Variants in TCERG1L observed in about 807,000 individuals in gnomAD.
TCERG1L encodes transcription elongation regulator 1 like.
Under a neutral mutation model 56.3 loss-of-function variants are expected in TCERG1L, and 37 were observed. The ratio of observed to expected loss-of-function variants is 0.66; its 90% confidence interval spans 0.51 to 0.87. The LOEUF is 0.87. Among genes scored for constraint, TCERG1L ranks in the 40% least tolerant of loss-of-function variants. The pLI, the probability that TCERG1L is intolerant of heterozygous loss-of-function variation, is 0.00. For synonymous variants in TCERG1L, 324 were observed against 326.3 expected (o/e 0.99, Z 0.08); for missense variants, 799 against 774.2 (o/e 1.03, Z -0.38).
chr10:131,121,200 GGTGCTGCCATGTGATGTGGGGAAA>G (rs1245172324), intron 8 of TCERG1L, among the ~76,000 whole-genome samples: 2 of 152,146 alleles, frequency 1.3e-5, no homozygotes, highest in African/African-American at 4.8e-5. Flanking sequence ...ACTCTGCCAG[GGTGCTGCCATGTGATGTGGGGAAA>G]GTGCTGACAT....
At chr10:131,257,249 C>G (rs942912974) in intron 4 of TCERG1L, among the ~76,000 whole-genome samples, 2 of 152,020 alleles carry the variant, frequency 1.3e-5, no homozygotes, top group Non-Finnish European at 2.9e-5. Context: ...GCCTGATAAA[C>G]AGATCCCCGT....
At chr10:131,220,677 C>A (rs1055822351) in intron 4 of TCERG1L, among the ~76,000 whole-genome samples, 3 of 152,184 alleles carry the variant, frequency 2.0e-5, no homozygotes, top group African/African-American at 7.2e-5. Flanking sequence ...GAAGGGCTTG[C>A]CTGAGGCCCC....
chr10:131,280,705 G>GCACA (rs59263854), intron 3 of TCERG1L, among the ~76,000 whole-genome samples: 115 of 150,630 alleles, frequency 7.6e-4, no homozygotes, highest in African/African-American at 2.4e-3. Context: ...CCTAAGATGT[G>GCACA]CACACACACA....
chr10:131,219,658 C>A (rs952204305), intron 4 of TCERG1L, among the ~76,000 whole-genome samples: 2 of 152,224 alleles, frequency 1.3e-5, no homozygotes, highest in African/African-American at 2.4e-5. Context: ...GGCCCCAGGG[C>A]CTTCCCTTCC....
intron 4 of TCERG1L, among the ~76,000 whole-genome samples, chr10:131,221,347 C>T (rs1477957722): frequency 6.6e-6 from 1 of 152,188 alleles, no homozygotes; most frequent in Admixed American, 6.5e-5. Context: ...ATCAAATTTC[C>T]TTCTCAATGT....
At chr10:131,094,062 AG>A (rs1205495857) in intron 11 of TCERG1L, among the ~76,000 whole-genome samples, 1 of 152,228 alleles carries the variant, frequency 6.6e-6, no homozygotes, top group East Asian at 1.9e-4. Flanking sequence ...TAGAGCAGCA[AG>A]GCTGTTCTCA....
chr10:131,277,587 G>A (rs974231196), intron 3 of TCERG1L, among the ~76,000 whole-genome samples: 5 of 152,232 alleles, frequency 3.3e-5, no homozygotes, highest in African/African-American at 4.8e-5. Flanking sequence ...TCCAGCAGAC[G>A]GCCCTGCCCA....
intron 3 of TCERG1L, among the ~76,000 whole-genome samples, chr10:131,280,948 C>T (rs539860974): frequency 6.6e-6 from 1 of 152,252 alleles, no homozygotes; most frequent in East Asian, 1.9e-4. Context: ...AAGCCTGTGG[C>T]CGCACCTTCC....
At chr10:131,288,811 A>AG (rs1315878890) in intron 3 of TCERG1L, among the ~76,000 whole-genome samples, 1 of 152,050 alleles carries the variant, frequency 6.6e-6, no homozygotes, top group Non-Finnish European at 1.5e-5. Context: ...AGAACTGCCC[A>AG]GGAAGGCAAA....
At chr10:131,293,982 C>T (rs1278693185) in intron 3 of TCERG1L, among the ~76,000 whole-genome samples, 1 of 152,064 alleles carries the variant, frequency 6.6e-6, no homozygotes, top group African/African-American at 2.4e-5. Flanking sequence ...TAGGTAAGGC[C>T]CAGGCAATTG....
intron 3 of TCERG1L, among the ~76,000 whole-genome samples, chr10:131,264,896 G>A (rs1392911288): frequency 6.6e-6 from 1 of 152,178 alleles, no homozygotes; most frequent in Non-Finnish European, 1.5e-5. Flanking sequence ...ACAGCGTGAG[G>A]GTCCCACGTC....
intron 8 of TCERG1L, among the ~76,000 whole-genome samples, chr10:131,126,092 C>T (rs976776435): frequency 2.0e-5 from 3 of 152,344 alleles, no homozygotes; most frequent in African/African-American, 7.2e-5. Context: ...CAGCTCCTGA[C>T]TGCCTAGCAC....
rs140546881 is a variant in TCERG1L, at chr10:131,163,260, C to G, written c.946-50G>C. The G allele has an allele frequency of 2.2e-3, 3,015 of 1,378,408 alleles. 26 individuals are homozygous for G. The highest frequency in any genetic ancestry group is 0.015 in the South Asian group (1,025 of 68,608). 85.4% of individuals were successfully genotyped at this position (1,378,408 alleles called of 1,614,324 possible). A position where few individuals can be genotyped will look rare whatever the true frequency, so the allele number is the denominator to read the frequency against. On this transcript the variant is annotated intron_variant, in intron 5 of 11. Coordinates refer to ENST00000368642, the MANE Select transcript of TCERG1L (RefSeq NM_174937.4). ...GTGGCTTTTAATTTTAAACACTCAT[C>G]TTCAATTACAAGCAAGGAAGGGAGG... is the stretch of plus-strand genomic sequence containing the variant.
At chr10:131,151,437 C>G (rs1002955969) in intron 6 of TCERG1L, among the ~76,000 whole-genome samples, 1 of 152,164 alleles carries the variant, frequency 6.6e-6, no homozygotes, top group Non-Finnish European at 1.5e-5. Flanking sequence ...GTCATTAAGC[C>G]TTAAATTTCC....
rs1846902827 is a variant in TCERG1L, at chr10:131,311,637, CT to C, written c.-3del. ...CTGGAACCTGGCGCCCGCCTGCATC[CT>C]ACATCCCCGCGCTGACGGCGGCGGC... On this transcript the variant is annotated 5_prime_UTR_variant, in exon 1 of 12. The change abolishes the stop of an existing upstream ORF in the 5' untranslated region. Transcript: ENST00000368642. The surrounding 1 kb of genome is among the most constrained non-coding windows in gnomAD (Gnocchi z 4.0). 3 of 1,131,242 alleles carry C rather than the reference CT, an allele frequency of 2.7e-6. No homozygotes were observed. The highest frequency in any genetic ancestry group is 3.2e-6 in the Non-Finnish European group (3 of 924,636). The allele number at this position is 1,131,242 out of a possible 1,614,324, so 70.1% of individuals were successfully genotyped here.
intron 7 of TCERG1L, among the ~76,000 whole-genome samples, chr10:131,140,754 C>T (rs1845728495): frequency 6.6e-6 from 1 of 152,162 alleles, no homozygotes; most frequent in African/African-American, 2.4e-5. Flanking sequence ...AGGGCGGGCA[C>T]CAGGACGAGA....
At chr10:131,173,619 C>G (rs1846115361) in intron 4 of TCERG1L, among the ~76,000 whole-genome samples, 1 of 152,232 alleles carries the variant, frequency 6.6e-6, no homozygotes, top group African/African-American at 2.4e-5. Flanking sequence ...GAGTTGCCAG[C>G]CCCGGCGCAA....
chr10:131,187,906 G>A (rs1335959988), intron 4 of TCERG1L, among the ~76,000 whole-genome samples: 1 of 152,196 alleles, frequency 6.6e-6, no homozygotes, highest in Non-Finnish European at 1.5e-5. Context: ...CTCAATGGCT[G>A]GGCCAGGTGC....
At chr10:131,142,030 G>A (rs1013053227) in intron 7 of TCERG1L, among the ~76,000 whole-genome samples, 1 of 152,212 alleles carries the variant, frequency 6.6e-6, no homozygotes, top group East Asian at 1.9e-4. Context: ...GACACCTGTC[G>A]CAGTTCACCT....
Sources: allele counts gnomAD v4.1 joint callset (sites outside exome capture counted in the v4.1 genomes callset), GRCh38; gene constraint gnomAD v4.1.1; non-coding constraint Gnocchi (gnomAD v3.1); transcripts MANE v1.5; gene names NCBI Gene and HGNC (gene_info 2026-07-23, HGNC 2026-07-21).